Variants in ST6GALNAC3 observed in about 807,000 individuals in gnomAD.
ST6GALNAC3 encodes the protein alpha-N-acetylgalactosaminide alpha-2,6-sialyltransferase 3.
A neutral mutation model predicts 32.7 loss-of-function variants in ST6GALNAC3; 25 were observed. The observed-to-expected ratio is 0.76, with a 90% CI of 0.56 to 1.07. ST6GALNAC3 has a LOEUF of 1.07. ST6GALNAC3 is among the 50% of genes least tolerant of loss of function. The probability of loss-of-function intolerance (pLI) is 0.00; values close to 1 mark genes in which losing one functional copy is unlikely to be tolerated. For synonymous variants in ST6GALNAC3, 129 were observed against 133.1 expected (o/e 0.97, Z 0.21); for missense variants, 355 against 382.4 (o/e 0.93, Z 0.60).
chr1:76,406,100 A>G (rs1020697863), intron 2 of ST6GALNAC3, among the ~76,000 whole-genome samples: 13 of 152,052 alleles, frequency 8.5e-5, no homozygotes, highest in African/African-American at 2.9e-4. Context: ...CAGGCATGGT[A>G]TAAAAAGACC....
intron 2 of ST6GALNAC3, among the ~76,000 whole-genome samples, chr1:76,360,451 A>G (rs1297343990): frequency 1.3e-5 from 2 of 152,224 alleles, no homozygotes; most frequent in African/African-American, 4.8e-5. Flanking sequence ...ACTAAGCTGT[A>G]TACCTAACCA....
chr1:76,262,835 G>T lies in ST6GALNAC3; in HGVS notation c.19-50970G>T, dbSNP rs142238789. Among the ~76,000 whole-genome samples, 187 of 152,204 alleles carry T rather than the reference G, an allele frequency of 1.2e-3. 1 individual carries two copies. The highest frequency in any genetic ancestry group is 4.1e-3 in the African/African-American group (171 of 41,524). ...GCACGCACACATTTCTTACTTCCAC[G>T]TTCAAAACTATGGTGAGCATTCACA... On this transcript the variant is annotated intron_variant, in intron 1 of 4. Transcript: ENST00000328299.
chr1:76,523,026 T>C (rs1662646582), intron 3 of ST6GALNAC3, among the ~76,000 whole-genome samples: 1 of 152,200 alleles, frequency 6.6e-6, no homozygotes, highest in Non-Finnish European at 1.5e-5. Flanking sequence ...GGAGCCTAGG[T>C]CCATCCCCAT....
intron 2 of ST6GALNAC3, among the ~76,000 whole-genome samples, chr1:76,346,182 C>T (rs1648493104): frequency 6.6e-6 from 1 of 152,166 alleles, no homozygotes; most frequent in Non-Finnish European, 1.5e-5. Context: ...CTTCTTGATT[C>T]ATACATCGTC....
At chr1:76,442,905 C>T (rs375287863) in intron 3 of ST6GALNAC3, among the ~76,000 whole-genome samples, 8 of 152,312 alleles carry the variant, frequency 5.3e-5, no homozygotes, top group East Asian at 3.9e-4. Context: ...TTTTCTCACA[C>T]GTAGGACTGA....
chr1:76,418,832 A>G (rs775020636), intron 3 of ST6GALNAC3, among the ~76,000 whole-genome samples: 3 of 152,048 alleles, frequency 2.0e-5, no homozygotes, highest in South Asian at 2.1e-4. Context: ...GCTAACAAGC[A>G]TTATGAAACA....
At chr1:76,159,020 C>T (rs1292279178) in intron 1 of ST6GALNAC3, among the ~76,000 whole-genome samples, 3 of 152,010 alleles carry the variant, frequency 2.0e-5, no homozygotes, top group Non-Finnish European at 4.4e-5. Flanking sequence ...CGTGTGGTTT[C>T]CTGGGGGTGT....
At chr1:76,479,378 A>G (rs1659577541) in intron 3 of ST6GALNAC3, among the ~76,000 whole-genome samples, 1 of 152,156 alleles carries the variant, frequency 6.6e-6, no homozygotes, top group Non-Finnish European at 1.5e-5. Context: ...GTCTTGGTTC[A>G]TTTTATGCTG....
intron 2 of ST6GALNAC3, among the ~76,000 whole-genome samples, chr1:76,352,497 C>CCT (rs775486624): frequency 4.3e-5 from 5 of 116,234 alleles, no homozygotes; most frequent in Middle Eastern, 5.0e-3. Context: ...TTTTGGTTTC[C>CCT]TTTTTTTTTT....
chr1:76,609,005 T>A (rs1175300734), intron 3 of ST6GALNAC3, among the ~76,000 whole-genome samples: 1 of 152,206 alleles, frequency 6.6e-6, no homozygotes, highest in Non-Finnish European at 1.5e-5. Flanking sequence ...TGGTCCATTG[T>A]ACTTTCTAAC....
At chr1:76,255,800 A>G (rs1394926004) in intron 1 of ST6GALNAC3, among the ~76,000 whole-genome samples, 1 of 152,134 alleles carries the variant, frequency 6.6e-6, no homozygotes, top group Non-Finnish European at 1.5e-5. Flanking sequence ...AAGGATATCT[A>G]TAACAGAACA....
intron 3 of ST6GALNAC3, among the ~76,000 whole-genome samples, chr1:76,545,030 T>C (rs1266731427): frequency 6.6e-6 from 1 of 152,204 alleles, no homozygotes; most frequent in Non-Finnish European, 1.5e-5. Flanking sequence ...GAGAACTTTG[T>C]TATAAAACAG....
At chr1:76,205,086 T>C (rs897811639) in intron 1 of ST6GALNAC3, among the ~76,000 whole-genome samples, 2 of 152,218 alleles carry the variant, frequency 1.3e-5, no homozygotes, top group Admixed American at 1.3e-4. Context: ...CTTTTATCTT[T>C]ATATTCCCTG....
chr1:76,241,673 G>A (rs1172450539), intron 1 of ST6GALNAC3, among the ~76,000 whole-genome samples: 1 of 152,138 alleles, frequency 6.6e-6, no homozygotes, highest in African/African-American at 2.4e-5. Flanking sequence ...TACTCTGTAA[G>A]TGTAAAATAC....
rs12404937 is a variant in ST6GALNAC3, at chr1:76,633,390, A to G, written c.*4584A>G. 0.12 allele frequency: 18,180 copies of G among 152,190 alleles called. 1,467 individuals carry two copies. Among genetic ancestry groups the G allele is most frequent in the Admixed American group, 0.24 (3,605 of 15,278 alleles). 9.4% of individuals were successfully genotyped at this position (152,190 alleles called of 1,614,324 possible). ...ATAATTGAAGGAACATATCCCATTG[A>G]TTGTCTACACTTTCTTCTCTCTGTT... On this transcript the variant is annotated 3_prime_UTR_variant, in exon 5 of 5. Transcript: ENST00000328299.
chr1:76,479,895 T>TA (rs888389222), intron 3 of ST6GALNAC3, among the ~76,000 whole-genome samples: 7 of 151,828 alleles, frequency 4.6e-5, no homozygotes, highest in South Asian at 2.1e-4. Flanking sequence ...TTATAAGCTG[T>TA]AAAAAAAATC....
intron 1 of ST6GALNAC3, among the ~76,000 whole-genome samples, chr1:76,306,278 A>T (rs10873874): frequency 0.88 from 134,557 of 152,066 alleles, 59,870 homozygotes; most frequent in Non-Finnish European, 0.93. Flanking sequence ...GTACCCTTTG[A>T]CAGTCAATTG....
chr1:76,499,477 C>G (rs1401691620), intron 3 of ST6GALNAC3, among the ~76,000 whole-genome samples: 3 of 152,140 alleles, frequency 2.0e-5, no homozygotes, highest in African/African-American at 7.2e-5. Flanking sequence ...TCCTCCACAG[C>G]TGGTCTTTTT....
chr1:76,356,534 G>A (rs1224122373), intron 2 of ST6GALNAC3, among the ~76,000 whole-genome samples: 2 of 151,738 alleles, frequency 1.3e-5, no homozygotes, highest in African/African-American at 4.8e-5. Context: ...ATAGGATGTT[G>A]GATTTGTTAA....
Sources: gnomAD v4.1 joint callset for allele counts (sites outside exome capture counted in the v4.1 genomes callset) on GRCh38, gnomAD v4.1.1 for gene constraint, MANE v1.5 for transcripts, NCBI Gene and HGNC (gene_info 2026-07-23, HGNC 2026-07-21) for gene names.